The following PLXDC2 variants were observed in gnomAD, a reference collection of about 807,000 sequenced individuals.
The protein encoded by PLXDC2 is plexin domain containing 2.
A neutral mutation model predicts 68.9 loss-of-function variants in PLXDC2; 40 were observed. That is an observed-to-expected ratio of 0.58 (90% CI 0.45 to 0.76). The LOEUF is 0.76. Among genes scored for constraint, PLXDC2 ranks in the 30% least tolerant of loss-of-function variants. The probability of loss-of-function intolerance (pLI) is 0.00; values close to 1 mark genes in which losing one functional copy is unlikely to be tolerated. For missense variants in PLXDC2, 644 were observed against 661.9 expected (o/e 0.97, Z 0.30); for synonymous variants, 243 against 234.2 (o/e 1.04, Z -0.34).
chr10:20,163,733 G>A (rs1291228479), intron 6 of PLXDC2, among the ~76,000 whole-genome samples: 1 of 152,002 alleles, frequency 6.6e-6, no homozygotes, highest in African/African-American at 2.4e-5. Context: ...GGACTCCCAA[G>A]AGTTCATGTC....
intron 1 of PLXDC2, among the ~76,000 whole-genome samples, chr10:19,888,613 C>T (rs900564864): frequency 6.6e-6 from 1 of 152,112 alleles, no homozygotes; most frequent in Admixed American, 6.5e-5. Flanking sequence ...GCGAGGGATA[C>T]ATTTTAAGTT....
At chr10:20,188,384 A>G (rs1834714885) in intron 9 of PLXDC2, among the ~76,000 whole-genome samples, 1 of 151,676 alleles carries the variant, frequency 6.6e-6, no homozygotes, top group Non-Finnish European at 1.5e-5. Context: ...GGCTTATTTC[A>G]CAGCATAATA....
intron 2 of PLXDC2, among the ~76,000 whole-genome samples, chr10:20,022,864 A>G (rs553651668): frequency 6.6e-6 from 1 of 151,976 alleles, no homozygotes; most frequent in Non-Finnish European, 1.5e-5. Context: ...TTGCGAATAA[A>G]ATATGTTAAT....
Position 20,287,261 on chromosome 10 carries a change from T to A in PLXDC2, c.*7442T>A, listed in dbSNP as rs988846676. 1 of 152,240 alleles carries A rather than the reference T, an allele frequency of 6.6e-6. No homozygotes were observed. Among genetic ancestry groups the A allele is most frequent in the African/African-American group, 2.4e-5 (1 of 41,462 alleles). The allele number at this position is 152,240 out of a possible 1,614,324, so 9.4% of individuals were successfully genotyped here. A position where few individuals can be genotyped will look rare whatever the true frequency, so the allele number is the denominator to read the frequency against. On this transcript the variant is annotated 3_prime_UTR_variant, in exon 14 of 14. Transcript: ENST00000377252. ...TGGAGGCCTTTGTCCTAGAGAATTA[T>A]GTGACTTGCCCTAGAGAATTAGTGA...
intron 1 of PLXDC2, among the ~76,000 whole-genome samples, chr10:19,855,235 G>A (rs1394473410): frequency 6.6e-6 from 1 of 151,972 alleles, no homozygotes; most frequent in Non-Finnish European, 1.5e-5. Context: ...TTTTGTTGTT[G>A]TTGTTGTTGT....
At chr10:19,846,137 C>T (rs1023564731) in intron 1 of PLXDC2, among the ~76,000 whole-genome samples, 1 of 152,148 alleles carries the variant, frequency 6.6e-6, no homozygotes, top group Non-Finnish European at 1.5e-5. Flanking sequence ...TCACTTCTTC[C>T]TTTGGTAACT....
At chr10:20,128,852 C>T (rs1039223088) in intron 4 of PLXDC2, among the ~76,000 whole-genome samples, 18 of 152,110 alleles carry the variant, frequency 1.2e-4, no homozygotes, top group Non-Finnish European at 2.6e-4. Context: ...CCATTTTGTA[C>T]CTATACCACA....
chr10:20,270,967 A>AT (rs1835932371), intron 13 of PLXDC2, among the ~76,000 whole-genome samples: 1 of 151,516 alleles, frequency 6.6e-6, no homozygotes. Context: ...GGAAAAAAAA[A>AT]AGGAATGGAT....
chr10:19,945,243 AAG>A (rs577018204), intron 1 of PLXDC2, among the ~76,000 whole-genome samples: 133 of 152,244 alleles, frequency 8.7e-4, no homozygotes, highest in Middle Eastern at 3.4e-3. Context: ...TGGCCCTTTA[AAG>A]GCTTCTTTTG....
At chr10:20,121,823 A>C (rs1833701138) in intron 4 of PLXDC2, among the ~76,000 whole-genome samples, 1 of 151,928 alleles carries the variant, frequency 6.6e-6, no homozygotes. Context: ...TTGTAAGGAG[A>C]GTTTATAGGC....
At chr10:19,932,223 A>G (rs1238941319) in intron 1 of PLXDC2, among the ~76,000 whole-genome samples, 2 of 152,074 alleles carry the variant, frequency 1.3e-5, no homozygotes, top group Non-Finnish European at 2.9e-5. Context: ...CCTACTCCTA[A>G]TTTATTTATC....
rs1165678589 is a variant in PLXDC2 at position 19,869,529 on chromosome 10, CCAACATTTTTTCTCAT to C, written c.112+52339_112+52354del. On this transcript the variant is annotated intron_variant, in intron 1 of 13. Transcript: ENST00000377252. ...GACCAGTACATTAAATTTCTCTAAGCCAACATTTTTTCTCATTTGTACAACATATTAATAACTATAT... is the reference window on the plus strand; with the variant it reads ...GACCAGTACATTAAATTTCTCTAAGCTTGTACAACATATTAATAACTATAT... Among the ~76,000 whole-genome samples, 472 of 150,728 alleles carry C rather than the reference CCAACATTTTTTCTCAT, an allele frequency of 3.1e-3. 3 individuals carry two copies. The highest frequency in any genetic ancestry group is 0.011 in the African/African-American group (454 of 40,846).
intron 4 of PLXDC2, among the ~76,000 whole-genome samples, chr10:20,137,768 G>A (rs1017133661): frequency 6.6e-6 from 1 of 152,246 alleles, no homozygotes; most frequent in African/African-American, 2.4e-5. Flanking sequence ...GGCCAGGGCC[G>A]TTGTCTGTGT....
intron 1 of PLXDC2, among the ~76,000 whole-genome samples, chr10:19,906,170 G>A (rs1337575455): frequency 6.6e-6 from 1 of 152,046 alleles, no homozygotes; most frequent in Non-Finnish European, 1.5e-5. Context: ...ATGTGTTCAC[G>A]TGTGTGTGTG....
chr10:19,849,203 A>C (rs541011125), intron 1 of PLXDC2, among the ~76,000 whole-genome samples: 1 of 152,224 alleles, frequency 6.6e-6, no homozygotes, highest in Non-Finnish European at 1.5e-5. Flanking sequence ...GAAATAAAAA[A>C]TAAATAACAA....
chr10:20,263,727 A>G lies in PLXDC2; in HGVS notation c.1474-15976A>G, dbSNP rs530349389. Among the ~76,000 whole-genome samples the G allele has an allele frequency of 1.3e-4, 20 of 152,352 alleles. No individual in the cohort carries two copies. In the South Asian group the frequency reaches 3.3e-3, roughly 25 times the overall value. On this transcript the variant is annotated intron_variant, in intron 13 of 13. Coordinates refer to ENST00000377252, the MANE Select transcript of PLXDC2 (RefSeq NM_032812.9). ...CAAAAAGCATAGAAAAAAGCTGCGTATCACTGATCATTAAAGAAATGCAAA... is the reference window on the plus strand; with the variant it reads ...CAAAAAGCATAGAAAAAAGCTGCGTGTCACTGATCATTAAAGAAATGCAAA...
intron 1 of PLXDC2, among the ~76,000 whole-genome samples, chr10:19,866,968 T>G (rs1359621): frequency 0.32 from 49,212 of 151,730 alleles, 8,391 homozygotes; most frequent in Admixed American, 0.45. Flanking sequence ...AAGAATATGA[T>G]AGTTTGGCCT....
chr10:20,152,401 G>A (rs1361494812), intron 6 of PLXDC2, among the ~76,000 whole-genome samples: 1 of 152,048 alleles, frequency 6.6e-6, no homozygotes, highest in Admixed American at 6.5e-5. Context: ...TATTTTTCCT[G>A]AGGTTATAGC....
At chr10:20,183,929 T>G (rs1285667290) in intron 9 of PLXDC2, among the ~76,000 whole-genome samples, 1 of 151,934 alleles carries the variant, frequency 6.6e-6, no homozygotes, top group African/African-American at 2.4e-5. Flanking sequence ...TAAAACAAAA[T>G]TTTCCACCTC....
Sources: allele counts gnomAD v4.1 joint callset (sites outside exome capture counted in the v4.1 genomes callset), GRCh38; gene constraint gnomAD v4.1.1; transcripts MANE v1.5; gene names NCBI Gene and HGNC (gene_info 2026-07-23, HGNC 2026-07-21).